Variants in TNRC18 observed in about 807,000 individuals in gnomAD.
TNRC18 encodes trinucleotide repeat containing 18.
A neutral mutation model predicts 226.7 loss-of-function variants in TNRC18; 69 were observed. The ratio of observed to expected loss-of-function variants is 0.30; its 90% CI spans 0.25 to 0.37. The LOEUF is 0.37. Among genes scored for constraint, TNRC18 ranks in the 10% least tolerant of loss-of-function variants. TNRC18 has a pLI of 1.00. For missense variants in TNRC18, 4,754 were observed against 4,256.6 expected, an observed-to-expected ratio of 1.12 and a Z score of -3.25; for synonymous variants, 2,449 against 1,927.6, an observed-to-expected ratio of 1.27 and a Z score of -7.09.
intron 19 of TNRC18, among the ~76,000 whole-genome samples, chr7:5,330,713 G>T (rs1289428113): frequency 6.6e-6 from 1 of 151,974 alleles, no homozygotes; most frequent in South Asian, 2.1e-4. Flanking sequence ...TCACTCTGTC[G>T]CCCAGGCTGG....
chr7:5,378,131 G>C, intron 5 of TNRC18, 107 bp from the exon 6 acceptor site: 1 of 803,844 alleles, frequency 1.2e-6, no homozygotes, highest in Non-Finnish European at 2.0e-6. Flanking sequence ...AGCCCCGACG[G>C]TCCTGCACAG....
At chr7:5,330,605 C>G (rs1412390644) in intron 19 of TNRC18, among the ~76,000 whole-genome samples, 9 of 152,006 alleles carry the variant, frequency 5.9e-5, no homozygotes, top group African/African-American at 2.2e-4. Context: ...TTCACACAGT[C>G]CTGCATGGTA....
At chr7:5,316,891 G>A (rs1055761178) in intron 24 of TNRC18, among the ~76,000 whole-genome samples, 1 of 152,132 alleles carries the variant, frequency 6.6e-6, no homozygotes, top group Admixed American at 6.5e-5. Context: ...CACCTCCAGA[G>A]GCAGGGCTGA....
In TNRC18 at chr7:5,307,852, T is replaced by C; in HGVS notation, c.*254A>G. 1.8e-6 allele frequency: 1 copy of C among 546,534 alleles called. No individual in the cohort carries two copies. Among genetic ancestry groups the C allele is most frequent in the Non-Finnish European group, 3.3e-6 (1 of 301,912 alleles). The allele number at this position is 546,534 out of a possible 1,614,324, so 33.9% of individuals were successfully genotyped here. On this transcript the variant is annotated 3_prime_UTR_variant, in exon 30 of 30. Coordinates refer to ENST00000430969, the MANE Select transcript of TNRC18 (RefSeq NM_001080495.3). ...AGGAAGGGCCGGTCCGGCCATACCC[T>C]GATAGCTAAGAGGGGCCCCTGTCCT...
chr7:5,329,615 G>A (rs1056026098), intron 19 of TNRC18, among the ~76,000 whole-genome samples: 8 of 143,736 alleles, frequency 5.6e-5, no homozygotes, highest in African/African-American at 1.0e-4. Flanking sequence ...CCTGGGAGGC[G>A]GAGGTTGCAG....
chr7:5,418,534 C>T (rs866258129), intron 2 of TNRC18, among the ~76,000 whole-genome samples: 11 of 152,180 alleles, frequency 7.2e-5, no homozygotes, highest in South Asian at 4.1e-4. Flanking sequence ...CTAGGAGGGG[C>T]TTTATAAGCC....
chr7:5,392,487 G>A (rs188518719), intron 3 of TNRC18, among the ~76,000 whole-genome samples: 2,124 of 152,210 alleles, frequency 0.014, 31 homozygotes, highest in Non-Finnish European at 0.025. Flanking sequence ...GGTGGCGCAC[G>A]CCTGTAATCC....
At chr7:5,345,517 G>GGGGGGGGGGGCCCCCCCCCCCCC in intron 18 of TNRC18, 45 bp downstream of exon 18, 14 of 377,724 alleles carry the variant, frequency 3.7e-5, no homozygotes, top group Non-Finnish European at 5.3e-5. Context: ...AATGGCGTCC[G>GGGGGGGGGGGCCCCCCCCCCCCC]CCCCTCCCAC....
rs1786978429 is a variant in TNRC18 at position 5,309,593 on chromosome 7, T to G, written c.8389-225A>C. Among the ~76,000 whole-genome samples the G allele has an allele frequency of 6.6e-6, 1 of 152,244 alleles. No homozygotes were observed. The highest frequency in any genetic ancestry group is 2.4e-5 in the African/African-American group (1 of 41,464). On this transcript the variant is annotated intron_variant, in intron 27 of 29. Coordinates refer to ENST00000430969, the MANE Select transcript of TNRC18 (RefSeq NM_001080495.3). This position sits in a 1 kb window ranked among gnomAD's most constrained non-coding sequence, Gnocchi z 5.7. ...AGAGGCGCTTCCCTTGATCTAAGCA[T>G]TCTGCCGCTACAAGACTTCTTATTT... is the stretch of plus-strand genomic sequence containing the variant.
rs1262729198 is a variant in TNRC18, at chr7:5,387,732, C to A, written c.2092G>T (p.Gly698Cys). 3.1e-6 allele frequency: 5 copies of A among 1,606,232 alleles called. No homozygotes were observed. The highest frequency in any genetic ancestry group is 4.2e-6 in the Non-Finnish European group (5 of 1,179,766). Reference protein sequence around the residue: ...VARQKDSGGSGRLGPGLVDQE... With the variant: ...VARQKDSGGSCRLGPGLVDQE... Reference sequence around the variant, plus strand: ...TCTACCAGCCCAGGCCCCAGCCGGCCACTGCCGCCACTGTCCTTCTGCCGG... The same window carrying A: ...TCTACCAGCCCAGGCCCCAGCCGGCAACTGCCGCCACTGTCCTTCTGCCGG... Residue 698 changes from glycine (G) to cysteine (C), a missense_variant, in exon 5 of 30, where the codon GGC (glycine) becomes TGC (cysteine). Gly to Cys is a radical substitution (Grantham distance 159). Transcript: ENST00000430969.
chr7:5,379,804 C>G (rs1402263749), intron 5 of TNRC18, among the ~76,000 whole-genome samples: 2 of 152,236 alleles, frequency 1.3e-5, no homozygotes, highest in Non-Finnish European at 2.9e-5. Context: ...GCCATTCGCA[C>G]AGGCGGAGGC....
Position 5,312,778 on chromosome 7 carries a change from T to G in TNRC18, c.8113A>C (p.Lys2705Gln). The G allele has an allele frequency of 6.5e-7, 1 of 1,532,138 alleles. No homozygotes were observed. The highest frequency in any genetic ancestry group is 1.3e-5 in the South Asian group (1 of 77,236). The allele number at this position is 1,532,138 out of a possible 1,614,324, so 94.9% of individuals were successfully genotyped here. Residue 2705 changes from lysine (K) to glutamine (Q), a missense_variant, in exon 27 of 30, where the codon AAG becomes CAG. Lys to Gln is a moderately conservative substitution (Grantham distance 53, BLOSUM62 1). Transcript: ENST00000430969. This position sits in a 1 kb window ranked among gnomAD's most constrained non-coding sequence, Gnocchi z 6.3. Reference protein sequence around the residue: ...AQAALPTKATKQAGKARPSAH... With the variant: ...AQAALPTKATQQAGKARPSAH... ...GAGGGCCGCGCCTTGCCGGCCTGCT[T>G]GGTGGCCTTGGTGGGGAGCGCCGCC...
At chr7:5,319,853 G>C (rs1788176207) in intron 24 of TNRC18, among the ~76,000 whole-genome samples, 1 of 152,100 alleles carries the variant, frequency 6.6e-6, no homozygotes, top group African/African-American at 2.4e-5. Flanking sequence ...TGCAGGGGAA[G>C]CCACCCTCCC....
chr7:5,387,588 G>C (rs981074833), intron 5 of TNRC18, 84 bp downstream of exon 5: 19 of 1,539,036 alleles, frequency 1.2e-5, no homozygotes, highest in African/African-American at 9.7e-5. Context: ...CAATAGCAAA[G>C]GGAAAGGGCC....
chr7:5,389,393 C>T (rs1780105120), intron 4 of TNRC18, 57 bp from the exon 5 acceptor site: 5 of 1,223,544 alleles, frequency 4.1e-6, no homozygotes, highest in Non-Finnish European at 5.1e-6. Context: ...CCCACCCCTG[C>T]CTGGGCGGAG....
intron 2 of TNRC18, among the ~76,000 whole-genome samples, chr7:5,414,703 C>T (rs771035124): frequency 6.6e-6 from 1 of 152,228 alleles, no homozygotes; most frequent in Non-Finnish European, 1.5e-5. Context: ...TGAGCCACTG[C>T]GCCCGGCCCA....
chr7:5,376,246 G>A lies in TNRC18; in HGVS notation c.2609-22C>T, dbSNP rs11769187. On this transcript the variant is annotated intron_variant, in intron 8 of 29. Transcript: ENST00000430969. Reference sequence around the variant, plus strand: ...TCCGCTGCAGGGACAGAGACAGTGCGCTGCACCTGCGGCCTGATGCTCCAC... The same window carrying A: ...TCCGCTGCAGGGACAGAGACAGTGCACTGCACCTGCGGCCTGATGCTCCAC... 0.17 allele frequency: 250,487 copies of A among 1,450,938 alleles called. 23,881 individuals carry two copies. Among genetic ancestry groups the A allele is most frequent in the Middle Eastern group, 0.21 (1,143 of 5,512 alleles). The allele number at this position is 1,450,938 out of a possible 1,614,324, so 89.9% of individuals were successfully genotyped here. A position where few individuals can be genotyped will look rare whatever the true frequency, so the allele number is the denominator to read the frequency against.
chr7:5,356,228 G>C (rs546378386), intron 16 of TNRC18, among the ~76,000 whole-genome samples: 4 of 151,336 alleles, frequency 2.6e-5, no homozygotes, highest in African/African-American at 7.3e-5. Context: ...GCAGGTTCCA[G>C]TGGGTAGGTG....
chr7:5,404,763 A>AGAGTGTGTGTGT lies in TNRC18; in HGVS notation c.188-10169_188-10168insACACACACACTC, dbSNP rs1554301687. Among the ~76,000 whole-genome samples, 635 of 147,230 alleles carry AGAGTGTGTGTGT rather than the reference A, an allele frequency of 4.3e-3. 6 individuals carry two copies. The highest frequency in any genetic ancestry group is 0.015 in the African/African-American group (606 of 39,860). ...ACCCCAGCAGCGCATGCACACTTTC[A>AGAGTGTGTGTGT]GTGTGTGTGTGTGTGTGTGTGTGTG... On this transcript the variant is annotated intron_variant, in intron 2 of 29. Transcript: ENST00000430969.
Sources: gnomAD v4.1 joint callset for allele counts (sites outside exome capture counted in the v4.1 genomes callset) on GRCh38, gnomAD v4.1.1 for gene constraint, Gnocchi (gnomAD v3.1) non-coding constraint, MANE v1.5 for transcripts, NCBI Gene and HGNC (gene_info 2026-07-23, HGNC 2026-07-21) for gene names.